Variants in ZNF7 observed in about 807,000 individuals in gnomAD.
ZNF7 encodes C2-H2 type zinc finger protein.
ZNF7 carries 10 observed loss-of-function variants against 12.0 expected under a neutral mutation model. That is an observed-to-expected ratio of 0.83 (90% CI 0.51 to 1.42). The LOEUF is 1.42. ZNF7 is among the 40% of genes most tolerant of loss of function. The pLI is 0.00. For synonymous variants in ZNF7, 334 were observed against 295.0 expected (o/e 1.13, Z -1.35); for missense variants, 854 against 837.2 (o/e 1.02, Z -0.25).
intron 4 of ZNF7, among the ~76,000 whole-genome samples, 194 bp downstream of exon 4, chr8:144,837,701 C>T (rs939412957): frequency 6.6e-6 from 1 of 152,208 alleles, no homozygotes. Flanking sequence ...AGAGGCCAAA[C>T]TGCAGAAGAG....
Position 144,831,926 on chromosome 8 carries a change from G to C in ZNF7, c.130+2322G>C, listed in dbSNP as rs1348477099. 2.0e-5 allele frequency among the ~76,000 whole-genome samples: 2 copies of C among 100,898 alleles called. 1 individual carries two copies. Among genetic ancestry groups the C allele is most frequent in the Non-Finnish European group, 5.0e-5 (2 of 40,156 alleles). The allele number at this position is 100,898 out of a possible 152,430, so 66.2% of individuals were successfully genotyped here. A position where few individuals can be genotyped will look rare whatever the true frequency, so the allele number is the denominator to read the frequency against. ...GCTACTGGGGAGAGCGAGGAGGGAG[G>C]ATTGCCTGAGCCTGGAAGGTCAAGG... is the stretch of plus-strand genomic sequence containing the variant. On this transcript the variant is annotated intron_variant, in intron 3 of 4. Coordinates refer to ENST00000532777, the MANE Select transcript of ZNF7 (RefSeq NM_003416.4).
At position 144,843,325 on chromosome 8, in the gene ZNF7, T is replaced by C. The variant is rs2722488; in HGVS notation, c.*157T>C. 0.47 allele frequency: 437,113 copies of C among 923,874 alleles called. 107,079 individuals are homozygous for C. Among genetic ancestry groups the C allele is most frequent in the East Asian group, 0.81 (29,647 of 36,388 alleles). 57.2% of individuals were successfully genotyped at this position (923,874 alleles called of 1,614,324 possible). A position where few individuals can be genotyped will look rare whatever the true frequency, so the allele number is the denominator to read the frequency against. On this transcript the variant is annotated 3_prime_UTR_variant, in exon 5 of 5. Transcript: ENST00000532777. ...CAACTTCAGGCCGAGTGTGGTGGCTTATGCCTGTCATCCCAGCACTTTGGG... is the reference window on the plus strand; with the variant it reads ...CAACTTCAGGCCGAGTGTGGTGGCTCATGCCTGTCATCCCAGCACTTTGGG...
downstream of ZNF7, chr8:144,843,909 T>C (rs1240765350): frequency 2.0e-5 from 3 of 152,156 alleles, no homozygotes; most frequent in Non-Finnish European, 4.4e-5. Context: ...AACTTCAAAT[T>C]AGGTCCTTGT....
At chr8:144,827,707 C>T in intron 1 of ZNF7, 98 bp downstream of exon 1, 2 of 978,840 alleles carry the variant, frequency 2.0e-6, no homozygotes, top group South Asian at 9.5e-5. Context: ...GGGGTCCCCG[C>T]GTCCCCCGGG....
downstream of ZNF7, among the ~76,000 whole-genome samples, chr8:144,845,652 T>A (rs1185591286): frequency 6.6e-6 from 1 of 152,180 alleles, no homozygotes; most frequent in Non-Finnish European, 1.5e-5. Flanking sequence ...CTGTAAGACC[T>A]CAACCCTGTC....
downstream of ZNF7, among the ~76,000 whole-genome samples, chr8:144,845,363 G>A (rs1462345621): frequency 6.6e-6 from 1 of 151,974 alleles, no homozygotes; most frequent in East Asian, 1.9e-4. Context: ...GTTGGGAGCT[G>A]GGGGGCCATT....
intron 1 of ZNF7, among the ~76,000 whole-genome samples, chr8:144,828,438 G>A (rs1828048993): frequency 7.0e-6 from 1 of 143,636 alleles, no homozygotes; most frequent in South Asian, 2.1e-4. Context: ...ACCTCCAGTC[G>A]CTCACTGCCT....
rs1830150362 is a variant in ZNF7, at chr8:144,842,962, T to TCCA, written c.1858_1860dup (p.Thr620dup). The stretch of plus-strand genomic sequence containing the variant: ...CGAATATGGGAATGCCCTGGAAGGG[T>TCCA]CCACCTTTGTGAGCCGTAAAAAGGT... On this transcript the variant is annotated inframe_insertion, in exon 5 of 5. Coordinates refer to ENST00000532777, the MANE Select transcript of ZNF7 (RefSeq NM_003416.4). 2.5e-6 allele frequency: 4 copies of TCCA among 1,614,090 alleles called. No individual in the cohort carries two copies. Among genetic ancestry groups the TCCA allele is most frequent in the Non-Finnish European group, 3.4e-6 (4 of 1,180,022 alleles).
chr8:144,841,708 T>C lies in ZNF7; in HGVS notation c.601T>C (p.Cys201Arg). 1 of 1,613,916 alleles carries C rather than the reference T, an allele frequency of 6.2e-7. No homozygotes were observed. The change falls in exon 5 of 5, where the codon TGT (cysteine) becomes CGT (arginine). Residue 201 changes from cysteine to arginine, a missense_variant. Physicochemically the swap from Cys to Arg is radical, Grantham distance 180. Coordinates refer to ENST00000532777, the MANE Select transcript of ZNF7 (RefSeq NM_003416.4). ...AGGGATGTCCCAGAGATGCGAGGAG[T>C]GTGGCAAAGGCATCAGAGCCACTTC... ...AEGMSQRCEE[C>R]GKGIRATSDI... is the part of the protein sequence containing the mutation.
Position 144,841,344 on chromosome 8 carries a change from G to A in ZNF7, c.248-11G>A. 6.3e-7 allele frequency: 1 copy of A among 1,593,706 alleles called. No individual in the cohort carries two copies. Among genetic ancestry groups the A allele is most frequent in the African/African-American group, 1.3e-5 (1 of 74,284 alleles). On this transcript the variant is annotated splice_polypyrimidine_tract_variant and intron_variant, in intron 4 of 4. Transcript: ENST00000532777. ...GGGCCTAAGGAACGTCTTTGTTCCT[G>A]TTTATTTCAGATTCTACGATTAGGA...
chr8:144,838,139 G>C, intron 4 of ZNF7: 1 of 702,980 alleles, frequency 1.4e-6, no homozygotes, highest in South Asian at 1.5e-5. Context: ...TGGGTTCCTT[G>C]GCTTGTGGAT....
At chr8:144,832,013 T>TAA (rs1158432524) in intron 3 of ZNF7, among the ~76,000 whole-genome samples, 1 of 96,070 alleles carries the variant, frequency 1.0e-5, no homozygotes, top group Non-Finnish European at 2.6e-5. Context: ...AGACCCTGTC[T>TAA]AAAAAAAAAA....
At chr8:144,829,167 C>A in intron 2 of ZNF7, 77 bp downstream of exon 2, 2 of 1,605,126 alleles carry the variant, frequency 1.2e-6, no homozygotes, top group Non-Finnish European at 1.7e-6. Context: ...TGGCCCTGGG[C>A]CCAGACCCTA....
At position 144,827,600 on chromosome 8, in the gene ZNF7, C is replaced by G. The variant is rs894381648; in HGVS notation, c.-55C>G. On this transcript the variant is annotated 5_prime_UTR_variant, in exon 1 of 5. Transcript: ENST00000532777. Reference sequence around the variant, plus strand: ...GCGCGTTTGCGAGCCTCGGGTGGTCCTCAGGGAGGGTGAGTCGGCGCGGCG... The same window carrying G: ...GCGCGTTTGCGAGCCTCGGGTGGTCGTCAGGGAGGGTGAGTCGGCGCGGCG... 5.4e-5 allele frequency: 53 copies of G among 985,574 alleles called. No individual in the cohort carries two copies. The Middle Eastern group carries it at 2.1e-3, about 38-fold the overall frequency. The allele number at this position is 985,574 out of a possible 1,614,324, so 61.1% of individuals were successfully genotyped here.
downstream of ZNF7, among the ~76,000 whole-genome samples, chr8:144,845,793 T>C (rs1165967959): frequency 6.6e-6 from 1 of 152,206 alleles, no homozygotes; most frequent in Non-Finnish European, 1.5e-5. Flanking sequence ...GTGCATCCAC[T>C]GTAACTGCCT....
chr8:144,842,041 G>C lies in ZNF7; in HGVS notation c.934G>C (p.Gly312Arg). Residue 312 changes from glycine (G) to arginine (R), a missense_variant, in exon 5 of 5, where the codon GGA (glycine) becomes CGA (arginine). By Grantham distance (125) the Gly-to-Arg change is moderately radical. Coordinates refer to ENST00000532777, the MANE Select transcript of ZNF7 (RefSeq NM_003416.4). ...GAAGCCCTACAGATGTGAGGAATGT[G>C]GAAAAGCTTTTGGTCAGAGCTCAAG... ...GEKPYRCEEC[G>R]KAFGQSSSLI... The C allele has an allele frequency of 6.2e-7, 1 of 1,614,144 alleles. No homozygotes were observed. Among genetic ancestry groups the C allele is most frequent in the African/African-American group, 1.3e-5 (1 of 75,026 alleles).
Position 144,841,714 on chromosome 8 carries a change from A to G in ZNF7, c.607A>G (p.Lys203Glu). 2 of 1,614,206 alleles carry G rather than the reference A, an allele frequency of 1.2e-6. No individual in the cohort carries two copies. Among genetic ancestry groups the G allele is most frequent in the Non-Finnish European group, 1.7e-6 (2 of 1,180,036 alleles). Reference protein sequence around the residue: ...GMSQRCEECGKGIRATSDIAL... With the variant: ...GMSQRCEECGEGIRATSDIAL... ...GTCCCAGAGATGCGAGGAGTGTGGCAAAGGCATCAGAGCCACTTCAGATAT... is the reference window on the plus strand; with the variant it reads ...GTCCCAGAGATGCGAGGAGTGTGGCGAAGGCATCAGAGCCACTTCAGATAT... Residue 203 changes from lysine to glutamate, a missense_variant, in exon 5 of 5, where the codon AAA (lysine) becomes GAA (glutamate). Physicochemically the swap from Lys to Glu is moderately conservative, Grantham distance 56. Coordinates refer to ENST00000532777, the MANE Select transcript of ZNF7 (RefSeq NM_003416.4).
At chr8:144,828,764 C>G (rs183394204) in intron 1 of ZNF7, 99 of 496,766 alleles carry the variant, frequency 2.0e-4, no homozygotes, top group African/African-American at 1.8e-3. Flanking sequence ...GTGTCCACTA[C>G]TGTATCCCCA....
chr8:144,828,847 T>C, intron 1 of ZNF7, 196 bp from the exon 2 acceptor site: 1 of 662,510 alleles, frequency 1.5e-6, no homozygotes, highest in Non-Finnish European at 2.6e-6. Flanking sequence ...CACACACACA[T>C]ACACTCTAAA....
Sources: allele counts gnomAD v4.1 joint callset (sites outside exome capture counted in the v4.1 genomes callset), GRCh38; gene constraint gnomAD v4.1.1; transcripts MANE v1.5; gene names NCBI Gene and HGNC (gene_info 2026-07-23, HGNC 2026-07-21).